MATN1: variants seen among roughly 807,000 people sequenced by gnomAD.
MATN1 encodes matrilin 1.
Under a neutral mutation model 41.3 loss-of-function variants are expected in MATN1, and 34 were observed. That is an observed-to-expected ratio of 0.82 (90% CI 0.63 to 1.10). MATN1 has a LOEUF of 1.10. MATN1 is among the 50% of genes least tolerant of loss of function. MATN1 has a pLI of 0.00. For synonymous variants in MATN1, 264 were observed against 278.7 expected (o/e 0.95, Z 0.53); for missense variants, 602 against 662.4 (o/e 0.91, Z 1.00).
intron 2 of MATN1, chr1:30,719,206 C>G: frequency 2.1e-6 from 1 of 468,816 alleles, no homozygotes; most frequent in Non-Finnish European, 3.8e-6. Context: ...GGATGTGATG[C>G]CCCATCGCCA....
At chr1:30,715,057 G>T in intron 6 of MATN1, 100 bp downstream of exon 6, 1 of 1,432,036 alleles carries the variant, frequency 7.0e-7, no homozygotes. Context: ...GTGCCACCTC[G>T]GCCCCTGCTT....
rs1569824476 is a variant in MATN1 at position 30,713,301 on chromosome 1, C to G, written c.*281G>C. 6 of 477,972 alleles carry G rather than the reference C, an allele frequency of 1.3e-5. No individual in the cohort carries two copies. In the East Asian group the frequency reaches 1.9e-4, roughly 15 times the overall value. 29.6% of individuals were successfully genotyped at this position (477,972 alleles called of 1,614,324 possible). A position where few individuals can be genotyped will look rare whatever the true frequency, so the allele number is the denominator to read the frequency against. ...GATTATAAAAATGCAAACGCAGTCC[C>G]TCTCACACTCACCCCTGCATTATCA... On this transcript the variant is annotated 3_prime_UTR_variant, in exon 8 of 8. Transcript: ENST00000373765.
rs569002251 is a variant in MATN1 at position 30,723,049 on chromosome 1, G to A, written c.94+409C>T. Among the ~76,000 whole-genome samples, 5 of 152,284 alleles carry A rather than the reference G, an allele frequency of 3.3e-5. No homozygotes were observed. The South Asian group carries it at 1.0e-3, about 32-fold the overall frequency. On this transcript the variant is annotated intron_variant, in intron 1 of 7. Coordinates refer to ENST00000373765, the MANE Select transcript of MATN1 (RefSeq NM_002379.3). ...GTGCCCAAACCTGAAACTCTGGGGG[G>A]TGTTATTGCCCCCAGGGAGCCCAAG...
intron 6 of MATN1, 115 bp downstream of exon 6, chr1:30,715,042 T>C (rs1264107691): frequency 5.4e-6 from 7 of 1,284,906 alleles, no homozygotes; most frequent in Non-Finnish European, 7.6e-6. Flanking sequence ...TTCTGCCAAC[T>C]CTTGGTGCCA....
chr1:30,715,313 C>T lies in MATN1; in HGVS notation c.1208-4G>A, dbSNP rs373671885. 115 of 1,613,710 alleles carry T rather than the reference C, an allele frequency of 7.1e-5. No individual in the cohort carries two copies. Among genetic ancestry groups the T allele is most frequent in the Non-Finnish European group, 9.5e-5 (112 of 1,179,808 alleles). On this transcript the variant is annotated splice_region_variant and splice_polypyrimidine_tract_variant and intron_variant, in intron 5 of 7. Transcript: ENST00000373765. ...CCCACAGCAAACATCTTAAAGCCTG[C>T]CAGGAGGAACAGGAGAAGTAAGGCT...
At chr1:30,717,836 A>G (rs905776574) in intron 3 of MATN1, among the ~76,000 whole-genome samples, 2 of 151,746 alleles carry the variant, frequency 1.3e-5, no homozygotes, top group Non-Finnish European at 2.9e-5. Context: ...TTGTATTTTT[A>G]GTAGAGACCG....
chr1:30,722,900 G>C (rs1054602593), intron 1 of MATN1, among the ~76,000 whole-genome samples: 1 of 152,174 alleles, frequency 6.6e-6, no homozygotes, highest in Non-Finnish European at 1.5e-5. Context: ...AAGGGAATTG[G>C]CCACACCGTA....
At chr1:30,714,126 C>T (rs1639587594) in intron 7 of MATN1, 121 bp downstream of exon 7, 3 of 768,170 alleles carry the variant, frequency 3.9e-6, no homozygotes, top group Non-Finnish European at 4.4e-6. Flanking sequence ...GAATGCAGCC[C>T]ATCAGCAGTA....
intron 4 of MATN1, 83 bp from the exon 5 acceptor site, chr1:30,716,408 C>A: frequency 7.2e-7 from 1 of 1,383,910 alleles, no homozygotes. Flanking sequence ...CCACCACACA[C>A]CAAGCTCTGT....
chr1:30,718,894 G>T lies in MATN1; in HGVS notation c.505C>A (p.Arg169=). 3 of 1,586,376 alleles carry T rather than the reference G, an allele frequency of 1.9e-6. No homozygotes were observed. The highest frequency in any genetic ancestry group is 2.3e-5 in the East Asian group (1 of 43,726). Residue 169 remains arginine (R), a synonymous_variant, in exon 3 of 8, where the codon CGG becomes AGG. Coordinates refer to ENST00000373765, the MANE Select transcript of MATN1 (RefSeq NM_002379.3). ...DSVQDVSARA[R]ASGVELFAIG... is the part of the protein sequence containing the mutation. ...GCGAACAGCTCGACGCCGCTGGCCC[G>T]GGCCCGCGCAGACACGTCCTGCACG...
chr1:30,717,866 G>C (rs975013576), intron 3 of MATN1, among the ~76,000 whole-genome samples: 3 of 152,098 alleles, frequency 2.0e-5, no homozygotes, highest in Non-Finnish European at 1.5e-5. Flanking sequence ...TGTTGGCCAG[G>C]ATGGTCTCGA....
intron 6 of MATN1, 122 bp from the exon 7 acceptor site, chr1:30,714,449 G>T (rs1488778834): frequency 1.3e-6 from 1 of 742,452 alleles, no homozygotes; most frequent in Non-Finnish European, 2.4e-6. Context: ...GGGCTTAAGG[G>T]ACCTGAGGAG....
In MATN1 at chr1:30,715,192, T is replaced by TG. The variant is rs753274379; in HGVS notation, c.1324dup (p.Gln442ProfsTer45). 1 of 1,614,256 alleles carries TG rather than the reference T, an allele frequency of 6.2e-7. No homozygotes were observed. The highest frequency in any genetic ancestry group is 8.5e-7 in the Non-Finnish European group (1 of 1,180,042). On this transcript the variant is annotated frameshift_variant, in exon 6 of 8. Coordinates refer to ENST00000373765, the MANE Select transcript of MATN1 (RefSeq NM_002379.3). LOFTEE classifies it high-confidence loss of function. Reference sequence around the variant, plus strand: ...CTTCTTCTGCAACTTCTTGCCTATCTGGTTGATGGTCTTGAAGTCAGCCGT... The same window carrying TG: ...CTTCTTCTGCAACTTCTTGCCTATCTGGGTTGATGGTCTTGAAGTCAGCCGT...
At position 30,713,497 on chromosome 1, in the gene MATN1, C is replaced by CG. The variant is rs1192556817; in HGVS notation, c.*84dup. 3 of 1,404,670 alleles carry CG rather than the reference C, an allele frequency of 2.1e-6. No homozygotes were observed. The African/African-American group carries it at 4.3e-5, about 20-fold the overall frequency. 87.0% of individuals were successfully genotyped at this position (1,404,670 alleles called of 1,614,324 possible). A position where few individuals can be genotyped will look rare whatever the true frequency, so the allele number is the denominator to read the frequency against. The stretch of plus-strand genomic sequence containing the variant: ...ACCCAGACACACCCCCTCCCACCCC[C>CG]GGGCTGGCTTCCCTCACTAAAATGG... On this transcript the variant is annotated 3_prime_UTR_variant, in exon 8 of 8. Coordinates refer to ENST00000373765, the MANE Select transcript of MATN1 (RefSeq NM_002379.3).
At position 30,718,730 on chromosome 1, in the gene MATN1, C is replaced by G; in HGVS notation, c.664+5G>C. ...CCCTGGCTCCGCCCCCGCCTGCCCG[C>G]GCACCGCAGAAGGCCTCCTGGAACT... On this transcript the variant is annotated splice_donor_5th_base_variant and intron_variant, in intron 3 of 7. Transcript: ENST00000373765. 6.4e-7 allele frequency: 1 copy of G among 1,571,038 alleles called. No homozygotes were observed. The highest frequency in any genetic ancestry group is 8.7e-7 in the Non-Finnish European group (1 of 1,154,942).
At chr1:30,714,573 T>TGTACCTG (rs1263435275) in intron 6 of MATN1, among the ~76,000 whole-genome samples, 1 of 152,178 alleles carries the variant, frequency 6.6e-6, no homozygotes, top group Admixed American at 6.5e-5. Flanking sequence ...AGAGCATCCC[T>TGTACCTG]GTACCTGCTG....
At chr1:30,723,384 C>A in intron 1 of MATN1, 74 bp downstream of exon 1, 1 of 1,172,214 alleles carries the variant, frequency 8.5e-7, no homozygotes, top group South Asian at 1.7e-5. Flanking sequence ...CCTGCCATAT[C>A]GGTACCCAGC....
intron 2 of MATN1, chr1:30,721,115 G>A: frequency 1.0e-5 from 4 of 397,482 alleles, no homozygotes; most frequent in Non-Finnish European, 1.8e-5. Flanking sequence ...TGGCCTGTCT[G>A]CAATGTCTTC....
intron 5 of MATN1, 38 bp downstream of exon 5, chr1:30,715,871 C>T: frequency 6.3e-7 from 1 of 1,586,844 alleles, no homozygotes; most frequent in Non-Finnish European, 8.6e-7. Context: ...TACCCCTGGC[C>T]ATCAGTGGTG....
Sources: allele counts gnomAD v4.1 joint callset (sites outside exome capture counted in the v4.1 genomes callset), GRCh38; gene constraint gnomAD v4.1.1; transcripts MANE v1.5; gene names NCBI Gene and HGNC (gene_info 2026-07-23, HGNC 2026-07-21).